The following GNA11 variants were observed in gnomAD, a reference collection of about 807,000 sequenced individuals.
GNA11 encodes guanine nucleotide-binding protein subunit alpha-11.
GNA11 carries 8 observed loss-of-function variants against 38.2 expected under a neutral mutation model. That is an observed-to-expected ratio of 0.21 (90% CI 0.12 to 0.38). The LOEUF (loss-of-function observed/expected upper bound fraction) is 0.38, where lower values mean the gene tolerates loss of function less well. GNA11 is among the 10% of genes least tolerant of loss of function. The pLI is 1.00. For missense variants in GNA11, 268 were observed against 516.3 expected, an observed-to-expected ratio of 0.52 and a Z score of 4.66; for synonymous variants, 211 against 221.4, an observed-to-expected ratio of 0.95 and a Z score of 0.42.
chr19:3,097,716 TGCCGCCTCTCCCGC>T (rs1311813532), intron 1 of GNA11, among the ~76,000 whole-genome samples: 2 of 152,224 alleles, frequency 1.3e-5, no homozygotes, highest in Non-Finnish European at 2.9e-5. Flanking sequence ...CCGGCTGCCG[TGCCGCCTCTCCCGC>T]GGCGGCTAAA....
In GNA11 at chr19:3,110,401, C is replaced by A; in HGVS notation, c.321+68C>A. On this transcript the variant is annotated intron_variant, in intron 2 of 6. Transcript: ENST00000078429. The surrounding 1 kb of genome is among the most constrained non-coding windows in gnomAD (Gnocchi z 5.4). ...GTGGGCTTGGTGGTGAGCATGGTGGCCGCGCTGCCAGGGTGGGGCCATGCC... is the reference window on the plus strand; with the variant it reads ...GTGGGCTTGGTGGTGAGCATGGTGGACGCGCTGCCAGGGTGGGGCCATGCC... 7.5e-7 allele frequency: 1 copy of A among 1,332,094 alleles called. No individual in the cohort carries two copies. Among genetic ancestry groups the A allele is most frequent in the South Asian group, 1.3e-5 (1 of 78,390 alleles). 82.5% of individuals were successfully genotyped at this position (1,332,094 alleles called of 1,614,324 possible).
chr19:3,115,170 A>C (rs1913878639), intron 4 of GNA11, 98 bp downstream of exon 4: 19 of 1,386,672 alleles, frequency 1.4e-5, no homozygotes, highest in Admixed American at 7.5e-5. Flanking sequence ...TTGGGAGGCC[A>C]AGGCGGGAGG....
At chr19:3,109,492 C>T (rs553306275) in intron 1 of GNA11, among the ~76,000 whole-genome samples, 3 of 152,338 alleles carry the variant, frequency 2.0e-5, no homozygotes, top group African/African-American at 4.8e-5. Flanking sequence ...AAGGTCGTGG[C>T]AGGCGTGGAG....
chr19:3,095,389 G>A (rs1389076385), intron 1 of GNA11, among the ~76,000 whole-genome samples: 3 of 152,060 alleles, frequency 2.0e-5, no homozygotes, highest in Non-Finnish European at 4.4e-5. Flanking sequence ...TACCCCTTCA[G>A]GGCCAGACCT....
Position 3,110,727 on chromosome 19 carries a change from C to T in GNA11, c.321+394C>T, listed in dbSNP as rs1301833188. Among the ~76,000 whole-genome samples the T allele has an allele frequency of 6.6e-6, 1 of 152,210 alleles. No individual in the cohort carries two copies. Among genetic ancestry groups the T allele is most frequent in the Admixed American group, 6.5e-5 (1 of 15,280 alleles). On this transcript the variant is annotated intron_variant, in intron 2 of 6. Coordinates refer to ENST00000078429, the MANE Select transcript of GNA11 (RefSeq NM_002067.5). This position sits in a 1 kb window ranked among gnomAD's most constrained non-coding sequence, Gnocchi z 5.4. Reference sequence around the variant, plus strand: ...CCCAGGCTGAGCAGCCTACCAGGCACCTCGTTTCGGCCCTGACACTCACCC... The same window carrying T: ...CCCAGGCTGAGCAGCCTACCAGGCATCTCGTTTCGGCCCTGACACTCACCC...
chr19:3,100,583 TG>T (rs1483550802), intron 1 of GNA11, among the ~76,000 whole-genome samples: 2 of 152,148 alleles, frequency 1.3e-5, no homozygotes, highest in African/African-American at 4.8e-5. Flanking sequence ...GGGTCTCTGC[TG>T]GGGCAGGCTC....
chr19:3,094,753 C>A lies in GNA11; in HGVS notation c.102C>A (p.Arg34=). 1 of 1,588,588 alleles carries A rather than the reference C, an allele frequency of 6.3e-7. No homozygotes were observed. The highest frequency in any genetic ancestry group is 2.4e-5 in the East Asian group (1 of 42,050). ...AGAAGCAGCTGCGGCGGGACAAGCG[C>A]GACGCCCGGCGCGAGCTCAAGCTGC... ...EIEKQLRRDK[R]DARRELKLLL... Residue 34 remains arginine, a synonymous_variant, in exon 1 of 7, where the codon CGC becomes CGA. Transcript: ENST00000078429. This position sits in a 1 kb window ranked among gnomAD's most constrained non-coding sequence, Gnocchi z 6.0.
chr19:3,121,042 G>T lies in GNA11; in HGVS notation c.943G>T (p.Asp315Tyr). 6.2e-7 allele frequency: 1 copy of T among 1,613,728 alleles called. No individual in the cohort carries two copies. Among genetic ancestry groups the T allele is most frequent in the Non-Finnish European group, 8.5e-7 (1 of 1,179,824 alleles). ...AREFILKMFV[D>Y]LNPDSDKIIY... ...GGAGTTCATCCTGAAGATGTTCGTG[G>T]ACCTGAACCCCGACAGCGACAAGAT... is the stretch of plus-strand genomic sequence containing the variant. The change falls in exon 7 of 7, where the codon GAC (aspartate) becomes TAC (tyrosine). Residue 315 changes from aspartate (D) to tyrosine (Y), a missense_variant. Coordinates refer to ENST00000078429, the MANE Select transcript of GNA11 (RefSeq NM_002067.5).
chr19:3,105,276 C>T (rs1335255627), intron 1 of GNA11, among the ~76,000 whole-genome samples: 4 of 152,112 alleles, frequency 2.6e-5, no homozygotes, highest in African/African-American at 4.8e-5. Context: ...ATTTTGTCAC[C>T]GTCTCAGTCA....
At chr19:3,097,174 G>A (rs1913392354) in intron 1 of GNA11, among the ~76,000 whole-genome samples, 1 of 151,842 alleles carries the variant, frequency 6.6e-6, no homozygotes, top group Admixed American at 6.6e-5. Context: ...GGGTGGGGCC[G>A]AGGCTCCCCG....
intron 4 of GNA11, 104 bp downstream of exon 4, chr19:3,115,176 G>A (rs2145321543): frequency 1.5e-6 from 2 of 1,325,540 alleles, no homozygotes; most frequent in Admixed American, 1.9e-5. Context: ...GGCCAAGGCG[G>A]GAGGATCGCC....
rs574323591 is a variant in GNA11, at chr19:3,122,140, C to T, written c.*961C>T. On this transcript the variant is annotated 3_prime_UTR_variant, in exon 7 of 7. Transcript: ENST00000078429. The surrounding 1 kb of genome is among the most constrained non-coding windows in gnomAD (Gnocchi z 7.7). The stretch of plus-strand genomic sequence containing the variant: ...CCCCCGGTGACACTGGGAGAAAGGC[C>T]ACTTGGATGGGGGCGTTTCTGTTTT... 9.0e-5 allele frequency: 21 copies of T among 233,300 alleles called. No individual in the cohort carries two copies. The highest frequency in any genetic ancestry group is 1.6e-4 in the Non-Finnish European group (19 of 117,770). 14.5% of individuals were successfully genotyped at this position (233,300 alleles called of 1,614,324 possible).
intron 1 of GNA11, among the ~76,000 whole-genome samples, chr19:3,097,187 A>G (rs1385685459): frequency 4.0e-5 from 6 of 150,044 alleles, no homozygotes; most frequent in Non-Finnish European, 7.5e-5. Flanking sequence ...GCTCCCCGGA[A>G]GGAAGGGGCT....
At chr19:3,099,345 C>T (rs1337118877) in intron 1 of GNA11, among the ~76,000 whole-genome samples, 1 of 152,212 alleles carries the variant, frequency 6.6e-6, no homozygotes, top group African/African-American at 2.4e-5. Flanking sequence ...TATGGCTTGC[C>T]CACCTGGGTG....
At chr19:3,113,254 G>A in intron 2 of GNA11, 76 bp from the exon 3 acceptor site, 1 of 1,426,716 alleles carries the variant, frequency 7.0e-7, no homozygotes, top group Non-Finnish European at 9.9e-7. Flanking sequence ...AGGCCTGGAA[G>A]AGGGGCCGTC....
chr19:3,100,667 G>T (rs942666526), intron 1 of GNA11, among the ~76,000 whole-genome samples: 2 of 152,184 alleles, frequency 1.3e-5, no homozygotes, highest in African/African-American at 4.8e-5. Context: ...CTGGCTCTCA[G>T]AAGCTTCTTT....
At chr19:3,095,897 A>C (rs909756754) in intron 1 of GNA11, among the ~76,000 whole-genome samples, 7 of 152,108 alleles carry the variant, frequency 4.6e-5, no homozygotes, top group Admixed American at 4.6e-4. Flanking sequence ...TGCTGCAGGG[A>C]GCCAGTCGGG....
chr19:3,116,294 C>G (rs985376187), intron 4 of GNA11, among the ~76,000 whole-genome samples: 4 of 152,190 alleles, frequency 2.6e-5, no homozygotes, highest in Non-Finnish European at 5.9e-5. Context: ...CGTGCCTGTC[C>G]TGGGCTGCTG....
intron 3 of GNA11, 117 bp downstream of exon 3, chr19:3,113,601 G>C (rs947212587): frequency 4.1e-6 from 3 of 740,518 alleles, no homozygotes; most frequent in Non-Finnish European, 6.3e-6. Context: ...GCCGGGGGCA[G>C]GGATGCGGTG....
Sources: gnomAD v4.1 joint callset for allele counts (sites outside exome capture counted in the v4.1 genomes callset) on GRCh38, gnomAD v4.1.1 for gene constraint, Gnocchi (gnomAD v3.1) non-coding constraint, MANE v1.5 for transcripts, NCBI Gene and HGNC (gene_info 2026-07-23, HGNC 2026-07-21) for gene names.